Variants in OR52K1 observed in about 807,000 individuals in gnomAD.
The protein encoded by OR52K1 is olfactory receptor 52K1.
Under a neutral mutation model 8.7 loss-of-function variants are expected in OR52K1, and 10 were observed. The ratio of observed to expected loss-of-function variants is 1.15; its 90% CI spans 0.71 to 1.95. OR52K1 has a LOEUF of 1.95. Among genes scored for constraint, OR52K1 ranks in the 30% most tolerant of loss-of-function variants. The probability of loss-of-function intolerance (pLI) is 0.00; values close to 1 mark genes in which losing one functional copy is unlikely to be tolerated. For synonymous variants in OR52K1, 203 were observed against 148.5 expected, an observed-to-expected ratio of 1.37 and a Z score of -2.67; for missense variants, 431 against 397.2, an observed-to-expected ratio of 1.08 and a Z score of -0.72.
At chr11:4,485,747 T>C (rs1846316282) in intron 1 of OR52K1, among the ~76,000 whole-genome samples, 2 of 152,170 alleles carry the variant, frequency 1.3e-5, no homozygotes, top group African/African-American at 2.4e-5. Flanking sequence ...CAGGGAAAAC[T>C]TTAAAAGTAT....
At position 4,492,927 on chromosome 11, in the gene OR52K1, G is replaced by A. The variant is rs1368324816; in HGVS notation, c.*3082G>A. On this transcript the variant is annotated 3_prime_UTR_variant, in exon 2 of 2. Coordinates refer to ENST00000641528, the MANE Select transcript of OR52K1 (RefSeq NM_001005171.3). ...CTGCACTGTTATTTATTGGATACAA[G>A]GCAAAAGGGGCAGGGTAAAGAGTGT... The A allele has an allele frequency of 1.6e-5, 3 of 185,576 alleles. No homozygotes were observed. Among genetic ancestry groups the A allele is most frequent in the Non-Finnish European group, 3.2e-5 (3 of 94,210 alleles). 11.5% of individuals were successfully genotyped at this position (185,576 alleles called of 1,614,324 possible). A position where few individuals can be genotyped will look rare whatever the true frequency, so the allele number is the denominator to read the frequency against.
rs1846358993 is a variant in OR52K1 at position 4,489,837 on chromosome 11, A to G, written c.937A>G (p.Asn313Asp). ...TGTGCTCAGTCTATTCCAGAGAAAG[A>G]ACATGTAGATGGATAGTTCTCTTTT... ...EYVLSLFQRK[N>D]M Residue 313 changes from asparagine (N) to aspartate (D), a missense_variant, in exon 2 of 2, where the codon AAC (asparagine) becomes GAC (aspartate). By Grantham distance (23) the Asn-to-Asp change is conservative. Coordinates refer to ENST00000641528, the MANE Select transcript of OR52K1 (RefSeq NM_001005171.3). 3 of 1,599,736 alleles carry G rather than the reference A, an allele frequency of 1.9e-6. No homozygotes were observed. The highest frequency in any genetic ancestry group is 2.2e-5 in the South Asian group (2 of 88,918).
At position 4,492,286 on chromosome 11, in the gene OR52K1, A is replaced by C. The variant is rs905043614; in HGVS notation, c.*2441A>C. 2 of 152,132 alleles carry C rather than the reference A, an allele frequency of 1.3e-5. No homozygotes were observed. The highest frequency in any genetic ancestry group is 2.4e-5 in the African/African-American group (1 of 41,414). The allele number at this position is 152,132 out of a possible 1,614,324, so 9.4% of individuals were successfully genotyped here. ...TTTGAGCTGCTAAAAAAAAAAAATA[A>C]ACTTTAAAATATGGCTGGAAAGCTT... On this transcript the variant is annotated 3_prime_UTR_variant, in exon 2 of 2. Transcript: ENST00000641528.
In OR52K1 at chr11:4,482,989, T is replaced by C. The variant is rs1448816150; in HGVS notation, c.-516T>C. On this transcript the variant is annotated 5_prime_UTR_variant, in exon 1 of 2. Coordinates refer to ENST00000641528, the MANE Select transcript of OR52K1 (RefSeq NM_001005171.3). ...CCACCACAGAGGATGCCTGCTTCCG[T>C]CCTATGCCAAACACTGTGGGCCATC... 2.5e-6 allele frequency: 1 copy of C among 395,124 alleles called. No individual in the cohort carries two copies. 24.5% of individuals were successfully genotyped at this position (395,124 alleles called of 1,614,324 possible).
In OR52K1 at chr11:4,491,663, T is replaced by G. The variant is rs1846375665; in HGVS notation, c.*1818T>G. 1 of 151,970 alleles carries G rather than the reference T, an allele frequency of 6.6e-6. No homozygotes were observed. Among genetic ancestry groups the G allele is most frequent in the Admixed American group, 6.5e-5 (1 of 15,268 alleles). 9.4% of individuals were successfully genotyped at this position (151,970 alleles called of 1,614,324 possible). ...TGGATGGAGCTAGAGGCCATTATTC[T>G]TTGCAAACTAAAAGGGGAATAGAAA... On this transcript the variant is annotated 3_prime_UTR_variant, in exon 2 of 2. Transcript: ENST00000641528.
Position 4,489,527 on chromosome 11 carries a change from G to A in OR52K1, c.627G>A (p.Val209=), listed in dbSNP as rs1387157755. The A allele has an allele frequency of 3.1e-6, 5 of 1,614,220 alleles. No individual in the cohort carries two copies. The highest frequency in any genetic ancestry group is 4.2e-6 in the Non-Finnish European group (5 of 1,180,044). Residue 209 remains valine (V), a synonymous_variant, in exon 2 of 2, where the codon GTG becomes GTA. Coordinates refer to ENST00000641528, the MANE Select transcript of OR52K1 (RefSeq NM_001005171.3). ...IYGIAVAMFI[V]VLDLLFVILS... Reference sequence around the variant, plus strand: ...GCATTGCTGTGGCCATGTTTATTGTGGTGTTGGACCTGCTCTTTGTTATCC... The same window carrying A: ...GCATTGCTGTGGCCATGTTTATTGTAGTGTTGGACCTGCTCTTTGTTATCC...
Position 4,489,790 on chromosome 11 carries a change from A to G in OR52K1, c.890A>G (p.Lys297Arg), listed in dbSNP as rs1161448884. The G allele has an allele frequency of 3.1e-6, 5 of 1,613,806 alleles. No homozygotes were observed. Among genetic ancestry groups the G allele is most frequent in the Non-Finnish European group, 4.2e-6 (5 of 1,179,888 alleles). Reference protein sequence around the residue: ...PMVNPIIYGVKTKQIREYVLS... With the variant: ...PMVNPIIYGVRTKQIREYVLS... ...GTCAATCCTATCATATATGGAGTCA[A>G]GACCAAGCAGATTCGTGAGTATGTG... The change falls in exon 2 of 2, where the codon AAG becomes AGG. Residue 297 changes from lysine (K) to arginine (R), a missense_variant. Coordinates refer to ENST00000641528, the MANE Select transcript of OR52K1 (RefSeq NM_001005171.3).
Position 4,482,870 on chromosome 11 carries a change from C to T in OR52K1, c.-635C>T, listed in dbSNP as rs558737488. The T allele has an allele frequency of 2.6e-5, 9 of 342,268 alleles. No homozygotes were observed. The South Asian group carries it at 9.2e-4, about 35-fold the overall frequency. 21.2% of individuals were successfully genotyped at this position (342,268 alleles called of 1,614,324 possible). On this transcript the variant is annotated 5_prime_UTR_variant, in exon 1 of 2. Coordinates refer to ENST00000641528, the MANE Select transcript of OR52K1 (RefSeq NM_001005171.3). ...GATCTTAGGCATCAGCTCTCCAACCCTGTTATTGCTTCTACTCTGGTCCTT... is the reference window on the plus strand; with the variant it reads ...GATCTTAGGCATCAGCTCTCCAACCTTGTTATTGCTTCTACTCTGGTCCTT...
chr11:4,486,659 A>G (rs187973328), intron 1 of OR52K1, among the ~76,000 whole-genome samples: 1 of 152,318 alleles, frequency 6.6e-6, no homozygotes. Context: ...AACTTTGTAT[A>G]ATATGTAATT....
chr11:4,483,641 A>G (rs1422803338), intron 1 of OR52K1, among the ~76,000 whole-genome samples: 1 of 152,196 alleles, frequency 6.6e-6, no homozygotes, highest in Non-Finnish European at 1.5e-5. Context: ...TCTTGTATGA[A>G]GATGGGTAGA....
rs904989833 is a variant in OR52K1, at chr11:4,492,578, C to T, written c.*2733C>T. The T allele has an allele frequency of 1.3e-5, 2 of 152,220 alleles. No homozygotes were observed. Among genetic ancestry groups the T allele is most frequent in the Non-Finnish European group, 2.9e-5 (2 of 68,048 alleles). The allele number at this position is 152,220 out of a possible 1,614,324, so 9.4% of individuals were successfully genotyped here. On this transcript the variant is annotated 3_prime_UTR_variant, in exon 2 of 2. Coordinates refer to ENST00000641528, the MANE Select transcript of OR52K1 (RefSeq NM_001005171.3). ...TATCTTGCATTTCAACTCATGACAG[C>T]TCAAGACTGAATATTTAAAGGAAAT...
At chr11:4,487,549 G>A (rs1177408953) in intron 1 of OR52K1, among the ~76,000 whole-genome samples, 2 of 151,872 alleles carry the variant, frequency 1.3e-5, no homozygotes, top group Non-Finnish European at 2.9e-5. Flanking sequence ...TATGCTGGAT[G>A]CAGGTTGCAT....
chr11:4,483,338 T>C (rs550868368), intron 1 of OR52K1, among the ~76,000 whole-genome samples, 162 bp downstream of exon 1: 30 of 152,318 alleles, frequency 2.0e-4, no homozygotes, highest in African/African-American at 7.2e-4. Context: ...TCAGTATTAA[T>C]TGAGTCCATT....
chr11:4,488,840 G>T lies in OR52K1; in HGVS notation c.-61G>T, dbSNP rs1462458180. 2 of 1,123,398 alleles carry T rather than the reference G, an allele frequency of 1.8e-6. No homozygotes were observed. Among genetic ancestry groups the T allele is most frequent in the Non-Finnish European group, 2.6e-6 (2 of 755,406 alleles). 69.6% of individuals were successfully genotyped at this position (1,123,398 alleles called of 1,614,324 possible). On this transcript the variant is annotated 5_prime_UTR_variant, in exon 2 of 2. Transcript: ENST00000641528. ...TTGAACTCTAATCATATATACTGTA[G>T]AAGGTATATATAGAAGGTGAAGAAG...
chr11:4,484,678 C>T (rs1846305916), intron 1 of OR52K1, among the ~76,000 whole-genome samples: 1 of 151,978 alleles, frequency 6.6e-6, no homozygotes, highest in African/African-American at 2.4e-5. Context: ...TGTTTATATT[C>T]TCAATGATCA....
chr11:4,484,063 G>A (rs79830686), intron 1 of OR52K1, among the ~76,000 whole-genome samples: 2,070 of 152,148 alleles, frequency 0.014, 27 homozygotes, highest in East Asian at 0.045. Flanking sequence ...TCACATGAGG[G>A]GAGTAGTATT....
At position 4,493,090 on chromosome 11, in the gene OR52K1, T is replaced by G. The variant is rs1236212603; in HGVS notation, c.*3245T>G. Reference sequence around the variant, plus strand: ...ATTTCTTCTATGCATTTCAAAGACTTTTAGTACTTTCACTTATTCTGCTAC... The same window carrying G: ...ATTTCTTCTATGCATTTCAAAGACTGTTAGTACTTTCACTTATTCTGCTAC... On this transcript the variant is annotated 3_prime_UTR_variant, in exon 2 of 2. Coordinates refer to ENST00000641528, the MANE Select transcript of OR52K1 (RefSeq NM_001005171.3). 6.6e-6 allele frequency: 1 copy of G among 152,358 alleles called. No homozygotes were observed. Among genetic ancestry groups the G allele is most frequent in the African/African-American group, 2.4e-5 (1 of 41,426 alleles). The allele number at this position is 152,358 out of a possible 1,614,324, so 9.4% of individuals were successfully genotyped here.
intron 1 of OR52K1, among the ~76,000 whole-genome samples, chr11:4,486,667 A>C (rs1846323342): frequency 6.6e-6 from 1 of 152,196 alleles, no homozygotes; most frequent in Non-Finnish European, 1.5e-5. Flanking sequence ...ATAATATGTA[A>C]TTTAATCATG....
At chr11:4,487,401 A>G (rs1846329477) in intron 1 of OR52K1, among the ~76,000 whole-genome samples, 1 of 152,216 alleles carries the variant, frequency 6.6e-6, no homozygotes, top group Non-Finnish European at 1.5e-5. Flanking sequence ...CCTTTAACAG[A>G]GAAGGAAACA....
Sources: gnomAD v4.1 joint callset for allele counts (sites outside exome capture counted in the v4.1 genomes callset) on GRCh38, gnomAD v4.1.1 for gene constraint, MANE v1.5 for transcripts, NCBI Gene and HGNC (gene_info 2026-07-23, HGNC 2026-07-21) for gene names.